Variants in SCLT1 observed in about 807,000 individuals in gnomAD.
The protein encoded by SCLT1 is sodium channel-associated protein 1.
A neutral mutation model predicts 112.8 loss-of-function variants in SCLT1; 78 were observed. The observed-to-expected ratio is 0.69, with a 90% CI of 0.58 to 0.83. SCLT1 has a LOEUF of 0.83. SCLT1 is among the 40% of genes least tolerant of loss of function. The probability of loss-of-function intolerance (pLI) is 0.00; values close to 1 mark genes in which losing one functional copy is unlikely to be tolerated. For missense variants in SCLT1, 747 were observed against 770.4 expected, an observed-to-expected ratio of 0.97 and a Z score of 0.36; for synonymous variants, 257 against 254.7, an observed-to-expected ratio of 1.01 and a Z score of -0.09.
chr4:129,006,852 C>T (rs895174000), intron 5 of SCLT1, among the ~76,000 whole-genome samples: 1 of 152,164 alleles, frequency 6.6e-6, no homozygotes. Context: ...TCTAAGACAT[C>T]ATTATTTTTA....
intron 9 of SCLT1, 61 bp downstream of exon 9, chr4:128,992,106 A>G: frequency 9.0e-7 from 1 of 1,107,048 alleles, no homozygotes; most frequent in Non-Finnish European, 1.3e-6. Flanking sequence ...TTATAGCATC[A>G]TCAGCTCCCC....
At chr4:129,007,809 CCTCT>C (rs746831610) in intron 5 of SCLT1, among the ~76,000 whole-genome samples, 5 of 152,174 alleles carry the variant, frequency 3.3e-5, no homozygotes, top group African/African-American at 4.8e-5. Flanking sequence ...AAACAAAACA[CCTCT>C]CTTTTTGTTC....
chr4:128,995,897 T>C (rs1409288653), intron 8 of SCLT1, among the ~76,000 whole-genome samples: 2 of 152,074 alleles, frequency 1.3e-5, no homozygotes, highest in African/African-American at 4.8e-5. Context: ...ACTTACTCTG[T>C]GCTGAGAAGA....
At chr4:128,981,833 CA>C (rs894564609) in intron 9 of SCLT1, among the ~76,000 whole-genome samples, 4 of 151,954 alleles carry the variant, frequency 2.6e-5, no homozygotes, top group Non-Finnish European at 5.9e-5. Context: ...TTTGGTACTA[CA>C]GGAGACTCAA....
rs1195506086 is a variant in SCLT1 at position 128,884,453 on chromosome 4, T to C, written c.*24A>G. On this transcript the variant is annotated 3_prime_UTR_variant, in exon 21 of 21. Coordinates refer to ENST00000281142, the MANE Select transcript of SCLT1 (RefSeq NM_144643.4). ...CCAACTGCTTTCCCAACTCTAAAGT[T>C]CTGTGAGTGAACTATGAATATTTTT... 6.8e-7 allele frequency: 1 copy of C among 1,473,766 alleles called. No homozygotes were observed. Among genetic ancestry groups the C allele is most frequent in the Admixed American group, 1.7e-5 (1 of 59,728 alleles). 91.3% of individuals were successfully genotyped at this position (1,473,766 alleles called of 1,614,324 possible).
chr4:129,023,744 A>G (rs1346065383), intron 5 of SCLT1, among the ~76,000 whole-genome samples: 1 of 152,224 alleles, frequency 6.6e-6, no homozygotes, highest in Non-Finnish European at 1.5e-5. Flanking sequence ...GCATTGCCTC[A>G]CTCGGGAAGC....
chr4:128,900,075 G>A (rs318529), intron 18 of SCLT1, among the ~76,000 whole-genome samples: 116,162 of 151,984 alleles, frequency 0.76, 45,401 homozygotes, highest in African/African-American at 0.94. Context: ...AGGAAGAATC[G>A]ATACCATGAA....
At chr4:129,073,039 C>T (rs956458988) in intron 2 of SCLT1, among the ~76,000 whole-genome samples, 1 of 152,092 alleles carries the variant, frequency 6.6e-6, no homozygotes, top group African/African-American at 2.4e-5. Flanking sequence ...GATGTGGTTT[C>T]CTGAGAGTCT....
chr4:128,981,683 T>A (rs1741665909), intron 9 of SCLT1, among the ~76,000 whole-genome samples: 2 of 148,942 alleles, frequency 1.3e-5, no homozygotes, highest in African/African-American at 2.5e-5. Context: ...AAAACTCTGA[T>A]CCCTGAGTTT....
downstream of SCLT1, among the ~76,000 whole-genome samples, chr4:128,881,611 T>G (rs1020113568): frequency 5.9e-5 from 9 of 152,278 alleles, no homozygotes; most frequent in African/African-American, 2.2e-4. Flanking sequence ...GAAACATGAA[T>G]AAATAAAATG....
At chr4:129,079,899 C>G (rs1751791571) in intron 2 of SCLT1, among the ~76,000 whole-genome samples, 1 of 152,366 alleles carries the variant, frequency 6.6e-6, no homozygotes, top group Admixed American at 6.5e-5. Context: ...CAACTCTTGC[C>G]CTCTGTGCAC....
At chr4:129,086,336 T>TAC (rs1752397897) in intron 1 of SCLT1, among the ~76,000 whole-genome samples, 1 of 129,324 alleles carries the variant, frequency 7.7e-6, no homozygotes, top group African/African-American at 3.0e-5. Flanking sequence ...TATATATATA[T>TAC]ACACACACAC....
intron 13 of SCLT1, among the ~76,000 whole-genome samples, chr4:128,955,369 CAAT>C (rs1739132525): frequency 6.6e-6 from 1 of 152,022 alleles, no homozygotes; most frequent in African/African-American, 2.4e-5. Context: ...TAGGAAAATC[CAAT>C]AATGGCACCA....
At chr4:128,895,131 T>C (rs946740432) in intron 18 of SCLT1, among the ~76,000 whole-genome samples, 25 of 152,218 alleles carry the variant, frequency 1.6e-4, no homozygotes, top group Admixed American at 1.3e-3. Flanking sequence ...AACGAGCTGC[T>C]TGGGTTTCTC....
intron 2 of SCLT1, among the ~76,000 whole-genome samples, chr4:129,070,027 T>C (rs1403123377): frequency 6.6e-6 from 1 of 152,184 alleles, no homozygotes; most frequent in African/African-American, 2.4e-5. Context: ...GATTCTTCTG[T>C]TTTTAATTCT....
chr4:129,033,029 T>C (rs1746866157), intron 5 of SCLT1, among the ~76,000 whole-genome samples: 1 of 152,148 alleles, frequency 6.6e-6, no homozygotes, highest in Non-Finnish European at 1.5e-5. Flanking sequence ...AAGACACATG[T>C]ACACATATGT....
chr4:128,952,561 T>C (rs988199035), intron 14 of SCLT1: 7 of 584,638 alleles, frequency 1.2e-5, no homozygotes, highest in Admixed American at 2.9e-5. Context: ...TACAGTAAAA[T>C]GTGATAAATG....
At chr4:128,983,145 C>T (rs1741810839) in intron 9 of SCLT1, among the ~76,000 whole-genome samples, 1 of 152,208 alleles carries the variant, frequency 6.6e-6, no homozygotes, top group Non-Finnish European at 1.5e-5. Context: ...GCCTCAGCCT[C>T]CCAAAGTGCT....
intron 5 of SCLT1, among the ~76,000 whole-genome samples, chr4:129,020,724 C>T (rs1490670590): frequency 2.0e-5 from 3 of 152,178 alleles, no homozygotes; most frequent in Admixed American, 6.5e-5. Flanking sequence ...TTCCTTATTA[C>T]TTAAAATGAC....
Sources: gnomAD v4.1 joint callset for allele counts (sites outside exome capture counted in the v4.1 genomes callset) on GRCh38, gnomAD v4.1.1 for gene constraint, MANE v1.5 for transcripts, NCBI Gene and HGNC (gene_info 2026-07-23, HGNC 2026-07-21) for gene names.